The following MTOR variants were observed in gnomAD, a reference collection of about 807,000 sequenced individuals.
The protein encoded by MTOR is serine/threonine-protein kinase mTOR.
In MTOR, 70 loss-of-function variants were observed where a neutral mutation model predicts 319.8. The ratio of observed to expected loss-of-function variants is 0.22; its 90% confidence interval spans 0.18 to 0.27. MTOR has a LOEUF of 0.27. Ranked by LOEUF, MTOR falls within the 10% of genes least tolerant of loss-of-function variation. The pLI, the probability that MTOR is intolerant of heterozygous loss-of-function variation, is 1.00. For synonymous variants in MTOR, 1,183 were observed against 1,211.4 expected, an observed-to-expected ratio of 0.98 and a Z score of 0.49; for missense variants, 1,890 against 3,274.4, an observed-to-expected ratio of 0.58 and a Z score of 10.32.
chr1:11,255,408 A>C (rs1008660708), intron 5 of MTOR, among the ~76,000 whole-genome samples: 1 of 149,018 alleles, frequency 6.7e-6, no homozygotes, highest in Non-Finnish European at 1.5e-5. Context: ...AAAAAAAAAA[A>C]AGAAAGAGGT....
Position 11,107,345 on chromosome 1 carries a change from A to C in MTOR, c.*140T>G. ...GAAAGTTGGTTCAAACCAACTTTTA[A>C]TATACAGTAGTTCTTTTCATTTACA... On this transcript the variant is annotated 3_prime_UTR_variant, in exon 58 of 58. Coordinates refer to ENST00000361445, the MANE Select transcript of MTOR (RefSeq NM_004958.4). The C allele has an allele frequency of 6.6e-7, 1 of 1,524,406 alleles. No individual in the cohort carries two copies. The highest frequency in any genetic ancestry group is 8.8e-7 in the Non-Finnish European group (1 of 1,141,162). 94.4% of individuals were successfully genotyped at this position (1,524,406 alleles called of 1,614,324 possible).
chr1:11,141,693 A>G (rs879439114), intron 34 of MTOR, among the ~76,000 whole-genome samples: 27 of 150,354 alleles, frequency 1.8e-4, no homozygotes, highest in Non-Finnish European at 3.4e-4. Flanking sequence ...ATTAAAAAAA[A>G]AAAAGAAAAA....
At chr1:11,160,075 C>CATTCATTTATTTATTT (rs1553179762) in intron 29 of MTOR, among the ~76,000 whole-genome samples, 2 of 143,336 alleles carry the variant, frequency 1.4e-5, no homozygotes, top group African/African-American at 2.6e-5. Flanking sequence ...TCAATTATAG[C>CATTCATTTATTTATTT]ATTTATTTAT....
At chr1:11,242,797 T>C (rs1475689724) in intron 9 of MTOR, among the ~76,000 whole-genome samples, 1 of 152,182 alleles carries the variant, frequency 6.6e-6, no homozygotes, top group East Asian at 1.9e-4. Flanking sequence ...TCTCTTTAGG[T>C]CTTATATCAA....
chr1:11,230,495 T>C (rs577186330), intron 18 of MTOR, among the ~76,000 whole-genome samples: 1 of 152,214 alleles, frequency 6.6e-6, no homozygotes, highest in Admixed American at 6.6e-5. Flanking sequence ...TGCTGCTAGT[T>C]TTCCCTATGG....
intron 45 of MTOR, 37 bp downstream of exon 45, chr1:11,126,973 A>G (rs2100400086): frequency 6.2e-7 from 1 of 1,612,010 alleles, no homozygotes; most frequent in South Asian, 1.1e-5. Flanking sequence ...AAGGACTATA[A>G]TGACAGTTAA....
intron 18 of MTOR, 113 bp from the exon 19 acceptor site, chr1:11,229,031 T>C: frequency 7.5e-7 from 1 of 1,334,596 alleles, no homozygotes. Context: ...CATATCTTTC[T>C]TCCTAGTATG....
At position 11,107,351 on chromosome 1, in the gene MTOR, A is replaced by G; in HGVS notation, c.*134T>C. Reference sequence around the variant, plus strand: ...TGGTTCAAACCAACTTTTAATATACAGTAGTTCTTTTCATTTACATTTCAA... The same window carrying G: ...TGGTTCAAACCAACTTTTAATATACGGTAGTTCTTTTCATTTACATTTCAA... On this transcript the variant is annotated 3_prime_UTR_variant, in exon 58 of 58. Coordinates refer to ENST00000361445, the MANE Select transcript of MTOR (RefSeq NM_004958.4). 6.5e-7 allele frequency: 1 copy of G among 1,536,716 alleles called. No individual in the cohort carries two copies. The highest frequency in any genetic ancestry group is 8.7e-7 in the Non-Finnish European group (1 of 1,148,836).
At position 11,199,197 on chromosome 1, in the gene MTOR, C is replaced by T. The variant is rs1645883746; in HGVS notation, c.4253+61G>A. 3 of 1,606,856 alleles carry T rather than the reference C, an allele frequency of 1.9e-6. No individual in the cohort carries two copies. The highest frequency in any genetic ancestry group is 1.7e-5 in the Admixed American group (1 of 59,928). On this transcript the variant is annotated intron_variant, in intron 28 of 57. Transcript: ENST00000361445. The surrounding 1 kb of genome is among the most constrained non-coding windows in gnomAD (Gnocchi z 4.5). ...GTGACTCCAGTGAAGTGGCACCAGG[C>T]AGTGGGAGAAGAGAGGTCATTTTGC... is the stretch of plus-strand genomic sequence containing the variant.
At chr1:11,248,272 T>G (rs1054510663) in intron 6 of MTOR, among the ~76,000 whole-genome samples, 178 bp from the exon 7 acceptor site, 1 of 152,184 alleles carries the variant, frequency 6.6e-6, no homozygotes, top group African/African-American at 2.4e-5. Flanking sequence ...GCAAGGGACC[T>G]GATTTTGTTC....
At position 11,213,586 on chromosome 1, in the gene MTOR, A is replaced by G. The variant is rs971349478; in HGVS notation, c.3118-20T>C. 4 of 1,610,632 alleles carry G rather than the reference A, an allele frequency of 2.5e-6. No individual in the cohort carries two copies. The African/African-American group carries it at 5.3e-5, about 22-fold the overall frequency. ...GAATTCCTACAAAGAGAGAAAAGTC[A>G]GAGGAGCTGAGTCAGGTCCCTTTCT... is the stretch of plus-strand genomic sequence containing the variant. On this transcript the variant is annotated intron_variant, in intron 20 of 57. Transcript: ENST00000361445.
intron 6 of MTOR, among the ~76,000 whole-genome samples, chr1:11,249,903 C>T (rs1050346951): frequency 4.0e-5 from 6 of 151,422 alleles, no homozygotes; most frequent in African/African-American, 1.5e-4. Flanking sequence ...CCGCCACTGT[C>T]ATCATGGCCC....
At position 11,228,660 on chromosome 1, in the gene MTOR, G is replaced by GTACTTACTTCCCGGA; in HGVS notation, c.3023_3030+7dup. 1 of 1,613,116 alleles carries GTACTTACTTCCCGGA rather than the reference G, an allele frequency of 6.2e-7. No homozygotes were observed. The highest frequency in any genetic ancestry group is 8.5e-7 in the Non-Finnish European group (1 of 1,179,524). ...AGAAAGAGAAGGATTGGGGTTTGAG[G>GTACTTACTTCCCGGA]TACTTACTTCCCGGATGGCCCCATC... On this transcript the variant is annotated splice_region_variant and intron_variant, in intron 19 of 57. Transcript: ENST00000361445.
rs1379527379 is a variant in MTOR at position 11,109,416 on chromosome 1, C to G, written c.7448-46G>C. 1 of 1,561,622 alleles carries G rather than the reference C, an allele frequency of 6.4e-7. No individual in the cohort carries two copies. The highest frequency in any genetic ancestry group is 1.4e-5 in the African/African-American group (1 of 73,606). On this transcript the variant is annotated intron_variant, in intron 55 of 57. Transcript: ENST00000361445. The surrounding 1 kb of genome is among the most constrained non-coding windows in gnomAD (Gnocchi z 4.0). ...AATAACTGTAAGAATGGGAGCAATA[C>G]AACAGGTTCAATGGGTGCCCTGTTT...
rs190910155 is a variant in MTOR, at chr1:11,135,757, C to T, written c.5131-1291G>A. ...CTGAGGCAGGAGAATTGTTTGAACC[C>T]GGGAGGCGGAGGTTGTAGTGGGCCA... On this transcript the variant is annotated intron_variant, in intron 36 of 57. Coordinates refer to ENST00000361445, the MANE Select transcript of MTOR (RefSeq NM_004958.4). Among the ~76,000 whole-genome samples, 522 of 147,362 alleles carry T rather than the reference C, an allele frequency of 3.5e-3. 14 individuals carry two copies. Among genetic ancestry groups the T allele is most frequent in the Non-Finnish European group, 1.2e-3 (78 of 66,718 alleles).
chr1:11,237,974 A>G lies in MTOR; in HGVS notation c.2077T>C (p.Leu693=), dbSNP rs1647433588. 1.2e-6 allele frequency: 2 copies of G among 1,614,094 alleles called. No individual in the cohort carries two copies. The highest frequency in any genetic ancestry group is 1.7e-6 in the Non-Finnish European group (2 of 1,180,048). The change falls in exon 13 of 58, where the codon TTG becomes CTG. Residue 693 remains leucine (L), a synonymous_variant. Transcript: ENST00000361445. ...FDAHLAQAEN[L]QALFVALNDQ... ...TTCAGAGCCACAAACAAGGCCTGCA[A>G]GTTCTCCGCCTGGGCCAGGTGTGCA... is the stretch of plus-strand genomic sequence containing the variant.
intron 26 of MTOR, among the ~76,000 whole-genome samples, chr1:11,200,768 T>C (rs1037123131): frequency 1.4e-4 from 21 of 152,122 alleles, no homozygotes; most frequent in South Asian, 4.2e-4. Context: ...GTAATCCCAG[T>C]ACTTTGGGGG....
chr1:11,224,012 C>T (rs1282155384), intron 19 of MTOR, among the ~76,000 whole-genome samples: 1 of 151,080 alleles, frequency 6.6e-6, no homozygotes, highest in African/African-American at 2.4e-5. Flanking sequence ...GCACTCCACC[C>T]TGGCAACAAG....
intron 5 of MTOR, among the ~76,000 whole-genome samples, chr1:11,255,378 T>C (rs1305986991): frequency 1.1e-4 from 8 of 74,032 alleles, no homozygotes; most frequent in African/African-American, 5.7e-4. Context: ...CAAGACTCCA[T>C]CTCCAAAAAA....
Sources: allele counts gnomAD v4.1 joint callset (sites outside exome capture counted in the v4.1 genomes callset), GRCh38; gene constraint gnomAD v4.1.1; non-coding constraint Gnocchi (gnomAD v3.1); transcripts MANE v1.5; gene names NCBI Gene and HGNC (gene_info 2026-07-23, HGNC 2026-07-21).